The following PFKP variants were observed in gnomAD, a reference collection of about 807,000 sequenced individuals.
PFKP encodes the protein ATP-dependent 6-phosphofructokinase, platelet type.
Under a neutral mutation model 94.3 loss-of-function variants are expected in PFKP, and 101 were observed. That is an observed-to-expected ratio of 1.07 (90% CI 0.91 to 1.26). The LOEUF (loss-of-function observed/expected upper bound fraction) is 1.26, where lower values mean the gene tolerates loss of function less well. PFKP is among the 50% of genes most tolerant of loss of function. The pLI is 0.00. For missense variants in PFKP, 1,145 were observed against 1,103.3 expected (o/e 1.04, Z -0.53); for synonymous variants, 573 against 432.6 (o/e 1.32, Z -4.03).
At chr10:3,127,384 C>T (rs755046054) in intron 16 of PFKP, among the ~76,000 whole-genome samples, 7 of 152,166 alleles carry the variant, frequency 4.6e-5, no homozygotes, top group Admixed American at 6.5e-5. Flanking sequence ...CTGCTTTGCC[C>T]GCAGAATTCT....
At chr10:3,071,301 A>G (rs1217657596) in intron 1 of PFKP, among the ~76,000 whole-genome samples, 1 of 151,976 alleles carries the variant, frequency 6.6e-6, no homozygotes, top group African/African-American at 2.4e-5. Context: ...TACAATTGAA[A>G]ATCTCTTTCT....
At chr10:3,086,861 G>T (rs546103302) in intron 2 of PFKP, among the ~76,000 whole-genome samples, 2 of 152,300 alleles carry the variant, frequency 1.3e-5, no homozygotes, top group Non-Finnish European at 2.9e-5. Flanking sequence ...TTCCTGGTGG[G>T]ATTCAGATGT....
Position 3,113,209 on chromosome 10 carries a change from G to C in PFKP, c.1224+21G>C, listed in dbSNP as rs200343189. The C allele has an allele frequency of 3.1e-6, 5 of 1,606,490 alleles. No individual in the cohort carries two copies. The Admixed American group carries it at 8.5e-5, about 27-fold the overall frequency. The stretch of plus-strand genomic sequence containing the variant: ...CAAAGGTAGGTGGCCGGCCTCCCGC[G>C]ATGCCCCGACCTCTCCTGCGGGCCT... On this transcript the variant is annotated intron_variant, in intron 12 of 21. Transcript: ENST00000381125.
intron 16 of PFKP, among the ~76,000 whole-genome samples, chr10:3,123,424 G>C (rs1837620557): frequency 6.6e-6 from 1 of 152,168 alleles, no homozygotes; most frequent in Admixed American, 6.5e-5. Context: ...TTTGGAGACT[G>C]AAGGAAGGAA....
Position 3,067,708 on chromosome 10 carries a change from G to T in PFKP, c.112+1G>T. 6.8e-7 allele frequency: 1 copy of T among 1,473,914 alleles called. No individual in the cohort carries two copies. The highest frequency in any genetic ancestry group is 9.1e-7 in the Non-Finnish European group (1 of 1,104,006). The allele number at this position is 1,473,914 out of a possible 1,614,324, so 91.3% of individuals were successfully genotyped here. The stretch of plus-strand genomic sequence containing the variant: ...CTGACCAGCGGCGGGGATGCTCAAG[G>T]TGCGCGCCCCCCTCCCGGCGGCGAG... On this transcript the variant is annotated splice_donor_variant, in intron 1 of 21. Transcript: ENST00000381125. LOFTEE classifies it high-confidence loss of function.
intron 1 of PFKP, among the ~76,000 whole-genome samples, chr10:3,077,508 C>T (rs575867562): frequency 4.6e-5 from 7 of 151,726 alleles, no homozygotes; most frequent in South Asian, 2.1e-4. Context: ...CCTCGTGATC[C>T]GCCCACCTTG....
chr10:3,067,778 T>C, intron 1 of PFKP, 71 bp downstream of exon 1: 1 of 567,912 alleles, frequency 1.8e-6, no homozygotes, highest in East Asian at 5.7e-5. Flanking sequence ...GCGAAGGCGA[T>C]GGGGTGACCG....
rs1652999303 is a variant in PFKP, at chr10:3,130,001, C to T, written c.1848+18C>T. The stretch of plus-strand genomic sequence containing the variant: ...ATCTGCAGGTATGTGACGGGGCTGG[C>T]CTCAGGGCCCGTCCCCTTGGGATCC... On this transcript the variant is annotated intron_variant, in intron 17 of 21. Coordinates refer to ENST00000381125, the MANE Select transcript of PFKP (RefSeq NM_002627.5). 2 of 1,553,122 alleles carry T rather than the reference C, an allele frequency of 1.3e-6. No homozygotes were observed. The highest frequency in any genetic ancestry group is 8.7e-7 in the Non-Finnish European group (1 of 1,145,696).
intron 21 of PFKP, 123 bp downstream of exon 21, chr10:3,135,961 C>G (rs954405597): frequency 3.0e-6 from 2 of 659,874 alleles, no homozygotes; most frequent in African/African-American, 1.9e-5. Flanking sequence ...TTCTGAAGCT[C>G]AGTTAAAAAA....
At chr10:3,083,593 T>G (rs928207636) in intron 2 of PFKP, among the ~76,000 whole-genome samples, 1 of 152,168 alleles carries the variant, frequency 6.6e-6, no homozygotes, top group Non-Finnish European at 1.5e-5. Context: ...TGTTTACGAT[T>G]ATGTCATGAC....
intron 13 of PFKP, among the ~76,000 whole-genome samples, chr10:3,115,206 T>A (rs1049233697): frequency 2.0e-5 from 3 of 148,710 alleles, no homozygotes; most frequent in African/African-American, 7.5e-5. Flanking sequence ...CGGAGACTCA[T>A]GAGGCCAGGG....
At position 3,082,457 on chromosome 10, in the gene PFKP, A is replaced by C. The variant is rs1833158359; in HGVS notation, c.182A>C (p.Tyr61Ser). The C allele has an allele frequency of 6.2e-7, 1 of 1,604,490 alleles. No individual in the cohort carries two copies. The highest frequency in any genetic ancestry group is 8.5e-7 in the Non-Finnish European group (1 of 1,173,810). ...GTGGGGGCCAAGGTGTACTTCATCTACGAGGTCAGTGTCTGCCCCTCACCC... is the reference window on the plus strand; with the variant it reads ...GTGGGGGCCAAGGTGTACTTCATCTCCGAGGTCAGTGTCTGCCCCTCACCC... ...IYVGAKVYFIYEGYQGMVDGG... is the reference protein window; with the variant it reads ...IYVGAKVYFISEGYQGMVDGG... The change falls in exon 2 of 22, where the codon TAC becomes TCC. Residue 61 changes from tyrosine to serine, a missense_variant. By Grantham distance (144) the Tyr-to-Ser change is moderately radical (BLOSUM62 -2). Coordinates refer to ENST00000381125, the MANE Select transcript of PFKP (RefSeq NM_002627.5).
intron 2 of PFKP, among the ~76,000 whole-genome samples, chr10:3,092,293 T>C (rs982777570): frequency 3.3e-5 from 5 of 152,192 alleles, no homozygotes; most frequent in Non-Finnish European, 7.3e-5. Flanking sequence ...CATTAACTTA[T>C]CAATGAATTG....
At chr10:3,075,905 A>C (rs1190786672) in intron 1 of PFKP, among the ~76,000 whole-genome samples, 1 of 69,156 alleles carries the variant, frequency 1.4e-5, no homozygotes, top group African/African-American at 1.0e-4. Flanking sequence ...ACCCTATCGC[A>C]AAAAAAAAAA....
intron 10 of PFKP, among the ~76,000 whole-genome samples, chr10:3,109,963 G>A (rs1836006638): frequency 1.3e-5 from 2 of 152,052 alleles, no homozygotes; most frequent in South Asian, 4.1e-4. Flanking sequence ...AGGGGAAGGT[G>A]GGACCTTCCC....
chr10:3,107,989 T>A, intron 8 of PFKP: 3 of 1,289,738 alleles, frequency 2.3e-6, no homozygotes, highest in Non-Finnish European at 2.0e-6. Flanking sequence ...GGCTTCTTTA[T>A]TGTGCTTTGT....
intron 8 of PFKP, chr10:3,107,891 G>A (rs1232074821): frequency 7.8e-7 from 1 of 1,289,286 alleles, no homozygotes; most frequent in African/African-American, 1.5e-5. Context: ...CCCTGCTGTA[G>A]ACGGGGCTGC....
At chr10:3,130,291 G>A (rs1838430833) in intron 17 of PFKP, among the ~76,000 whole-genome samples, 1 of 152,212 alleles carries the variant, frequency 6.6e-6, no homozygotes, top group African/African-American at 2.4e-5. Context: ...AACCTCCGCT[G>A]ACAGTCACCA....
At position 3,109,486 on chromosome 10, in the gene PFKP, T is replaced by C; in HGVS notation, c.1089+6T>C. On this transcript the variant is annotated splice_donor_region_variant and intron_variant, in intron 10 of 21. Transcript: ENST00000381125. ...TGATGGAGTGCGTGCAGATGGTGAG[T>C]GGGCAGCCCATGGCCAAGGGCAGGG... 4 of 1,602,684 alleles carry C rather than the reference T, an allele frequency of 2.5e-6. No individual in the cohort carries two copies. The highest frequency in any genetic ancestry group is 2.7e-5 in the African/African-American group (2 of 75,004).
Sources: allele counts gnomAD v4.1 joint callset (sites outside exome capture counted in the v4.1 genomes callset), GRCh38; gene constraint gnomAD v4.1.1; transcripts MANE v1.5; gene names NCBI Gene and HGNC (gene_info 2026-07-23, HGNC 2026-07-21).